Variants in CADPS2 observed in about 807,000 individuals in gnomAD.
CADPS2 encodes the protein calcium-dependent secretion activator 2.
Under a neutral mutation model 172.5 loss-of-function variants are expected in CADPS2, and 93 were observed. The ratio of observed to expected loss-of-function variants is 0.54; its 90% CI spans 0.46 to 0.64. CADPS2 has a LOEUF of 0.64. CADPS2 is among the 30% of genes least tolerant of loss of function. The pLI is 0.00. For synonymous variants in CADPS2, 546 were observed against 555.2 expected (o/e 0.98, Z 0.23); for missense variants, 1,420 against 1,565.9 (o/e 0.91, Z 1.57).
At chr7:122,392,985 A>C (rs1442257770) in intron 22 of CADPS2, among the ~76,000 whole-genome samples, 1 of 152,144 alleles carries the variant, frequency 6.6e-6, no homozygotes, top group Non-Finnish European at 1.5e-5. Flanking sequence ...AACTACATTA[A>C]ACTAGCGTGT....
intron 1 of CADPS2, among the ~76,000 whole-genome samples, chr7:122,782,126 A>T (rs1370170064): frequency 6.6e-6 from 1 of 152,206 alleles, no homozygotes; most frequent in Non-Finnish European, 1.5e-5. Context: ...TAGTGTGAGA[A>T]TAAAGAAAAG....
rs62474599 is a variant in CADPS2 at position 122,405,030 on chromosome 7, C to G, written c.2746+2510G>C. Among the ~76,000 whole-genome samples, 246 of 151,704 alleles carry G rather than the reference C, an allele frequency of 1.6e-3. 1 individual carries two copies. Among genetic ancestry groups the G allele is most frequent in the African/African-American group, 5.6e-3 (232 of 41,310 alleles). ...TGTGGAGGCAGAGCTTGCAGTGAGC[C>G]GAGATCGCGTCATTGCACTCCAGCC... On this transcript the variant is annotated intron_variant, in intron 20 of 29. Coordinates refer to ENST00000449022, the MANE Select transcript of CADPS2 (RefSeq NM_017954.11).
chr7:122,885,933 A>G, intron 1 of CADPS2, 66 bp downstream of exon 1: 1 of 1,524,788 alleles, frequency 6.6e-7, no homozygotes. Flanking sequence ...GAGGCGTCCC[A>G]GAGCTCTCCC....
intron 19 of CADPS2, among the ~76,000 whole-genome samples, chr7:122,409,194 G>T (rs1047774202): frequency 6.6e-6 from 1 of 152,140 alleles, no homozygotes; most frequent in African/African-American, 2.4e-5. Context: ...CAGATCTTGC[G>T]CCTATCTTTT....
intron 19 of CADPS2, among the ~76,000 whole-genome samples, chr7:122,410,885 C>G (rs892577008): frequency 6.6e-6 from 1 of 152,140 alleles, no homozygotes; most frequent in Non-Finnish European, 1.5e-5. Context: ...CTTACTTAGT[C>G]CCCCAAACAA....
chr7:122,706,416 T>C (rs981910193), intron 2 of CADPS2, among the ~76,000 whole-genome samples: 3 of 138,182 alleles, frequency 2.2e-5, no homozygotes, highest in Admixed American at 7.7e-5. Context: ...TATATATGCT[T>C]ATATATTCAA....
chr7:122,489,456 T>A (rs568049421), intron 11 of CADPS2, among the ~76,000 whole-genome samples: 2 of 152,270 alleles, frequency 1.3e-5, no homozygotes, highest in East Asian at 1.9e-4. Context: ...GTTTAGTGAT[T>A]ATCAAAGCTA....
At chr7:122,737,374 C>T (rs1032096595) in intron 1 of CADPS2, among the ~76,000 whole-genome samples, 5 of 152,070 alleles carry the variant, frequency 3.3e-5, no homozygotes, top group Non-Finnish European at 7.4e-5. Flanking sequence ...ATGGTGCCTG[C>T]CATCACGCCT....
intron 11 of CADPS2, among the ~76,000 whole-genome samples, chr7:122,488,419 G>A (rs1401228245): frequency 6.6e-6 from 1 of 152,192 alleles, no homozygotes. Flanking sequence ...TGCATAGCTG[G>A]GGAATACCCA....
At chr7:122,837,439 T>C (rs1025856527) in intron 1 of CADPS2, among the ~76,000 whole-genome samples, 4 of 152,022 alleles carry the variant, frequency 2.6e-5, no homozygotes, top group Non-Finnish European at 4.4e-5. Context: ...AGAGCACAAC[T>C]GAAGGCGACA....
intron 3 of CADPS2, among the ~76,000 whole-genome samples, chr7:122,647,709 A>G (rs908481807): frequency 9.2e-5 from 14 of 152,222 alleles, no homozygotes; most frequent in Admixed American, 2.0e-4. Flanking sequence ...TTGTGAGTAT[A>G]CATAAACACT....
chr7:122,418,741 G>C (rs1007605254), intron 17 of CADPS2, among the ~76,000 whole-genome samples: 15 of 152,166 alleles, frequency 9.9e-5, no homozygotes, highest in African/African-American at 3.6e-4. Flanking sequence ...CTGAGGTTTG[G>C]AGACCTCATG....
At chr7:122,419,600 G>A (rs1232363143) in intron 17 of CADPS2, among the ~76,000 whole-genome samples, 3 of 152,062 alleles carry the variant, frequency 2.0e-5, no homozygotes, top group African/African-American at 7.2e-5. Context: ...TCTTTCATCA[G>A]ATTCTCAAAG....
intron 1 of CADPS2, among the ~76,000 whole-genome samples, chr7:122,854,335 C>A (rs762481883): frequency 1.3e-5 from 2 of 152,022 alleles, no homozygotes; most frequent in Admixed American, 6.6e-5. Flanking sequence ...CATGCCGCTG[C>A]GCTCCAGCCT....
At chr7:122,795,909 A>G (rs1395509957) in intron 1 of CADPS2, among the ~76,000 whole-genome samples, 3 of 152,092 alleles carry the variant, frequency 2.0e-5, no homozygotes, top group Admixed American at 6.6e-5. Flanking sequence ...AGGAAGAGAG[A>G]AAGTCAAACT....
At chr7:122,443,665 T>C (rs1168109340) in intron 15 of CADPS2, among the ~76,000 whole-genome samples, 2 of 110,754 alleles carry the variant, frequency 1.8e-5, no homozygotes, top group African/African-American at 6.9e-5. Context: ...TTTTTTTAAA[T>C]GAAAGCCAGA....
chr7:122,497,178 A>T (rs532987684), intron 9 of CADPS2, among the ~76,000 whole-genome samples: 171 of 151,640 alleles, frequency 1.1e-3, no homozygotes, highest in Non-Finnish European at 2.2e-3. Flanking sequence ...TGGTAAATTT[A>T]AAAAAAAATC....
chr7:122,878,073 T>C (rs1313867377), intron 1 of CADPS2, among the ~76,000 whole-genome samples: 1 of 150,838 alleles, frequency 6.6e-6, no homozygotes, highest in Non-Finnish European at 1.5e-5. Context: ...CAGGCCAACA[T>C]GGTGAAACCC....
At chr7:122,593,113 G>T (rs1405440881) in intron 6 of CADPS2, among the ~76,000 whole-genome samples, 1 of 151,684 alleles carries the variant, frequency 6.6e-6, no homozygotes, top group Non-Finnish European at 1.5e-5. Flanking sequence ...GAATAGAATG[G>T]CTTTCTAGGC....
Sources: gnomAD v4.1 joint callset for allele counts (sites outside exome capture counted in the v4.1 genomes callset) on GRCh38, gnomAD v4.1.1 for gene constraint, MANE v1.5 for transcripts, NCBI Gene and HGNC (gene_info 2026-07-23, HGNC 2026-07-21) for gene names.